The following N4BP3 variants were observed in gnomAD, a reference collection of about 807,000 sequenced individuals.
N4BP3 encodes NEDD4 binding protein 3.
Under a neutral mutation model 43.8 loss-of-function variants are expected in N4BP3, and 33 were observed. The observed-to-expected ratio is 0.75, with a 90% CI of 0.57 to 1.01. N4BP3 has a LOEUF of 1.01. Ranked by LOEUF, N4BP3 falls within the 50% of genes least tolerant of loss-of-function variation. N4BP3 has a pLI of 0.00. For synonymous variants in N4BP3, 326 were observed against 321.9 expected, an observed-to-expected ratio of 1.01 and a Z score of -0.14; for missense variants, 756 against 744.2, an observed-to-expected ratio of 1.02 and a Z score of -0.18.
rs980951325 is a variant in N4BP3, at chr5:178,123,344, A to C, written c.*1343A>C. 40 of 152,262 alleles carry C rather than the reference A, an allele frequency of 2.6e-4. No individual in the cohort carries two copies. The highest frequency in any genetic ancestry group is 9.2e-4 in the African/African-American group (38 of 41,430). The allele number at this position is 152,262 out of a possible 1,614,324, so 9.4% of individuals were successfully genotyped here. ...CCAGGTGCTGTGCTGGGCCCTTGTG[A>C]GTGTGGGGGCACAGGCTGAATTAGA... On this transcript the variant is annotated 3_prime_UTR_variant, in exon 5 of 5. Coordinates refer to ENST00000274605, the MANE Select transcript of N4BP3 (RefSeq NM_015111.2).
Position 178,121,247 on chromosome 5 carries a change from C to T in N4BP3, c.1002C>T (p.Arg334=). ...CTCAGCAGGAGCAGCGGCGCCTGCGCAAGGAGCTGCGGGCTCAGCAGGGCC... is the reference window on the plus strand; with the variant it reads ...CTCAGCAGGAGCAGCGGCGCCTGCGTAAGGAGCTGCGGGCTCAGCAGGGCC... ...FMAQQEQRRL[R]KELRAQQGLA... Residue 334 remains arginine (R), a synonymous_variant, in exon 4 of 5, where the codon CGC becomes CGT. Transcript: ENST00000274605. 6.2e-7 allele frequency: 1 copy of T among 1,605,572 alleles called. No individual in the cohort carries two copies. Among genetic ancestry groups the T allele is most frequent in the Non-Finnish European group, 8.5e-7 (1 of 1,176,914 alleles).
rs773728656 is a variant in N4BP3, at chr5:178,119,862, C to T, written c.279C>T (p.Arg93=). ...CCCTCTACTACCGGGAACATTCTCG[C>T]GCGGGTGACTTCAGCAAGACCTCGC... ...YATLYYREHS[R]AGDFSKTSLP... The change falls in exon 2 of 5, where the codon CGC becomes CGT. Residue 93 remains arginine, a synonymous_variant. Transcript: ENST00000274605. The T allele has an allele frequency of 1.1e-5, 18 of 1,612,398 alleles. No individual in the cohort carries two copies. In the Admixed American group the frequency reaches 1.3e-4, roughly 12 times the overall value.
In N4BP3 at chr5:178,121,126, T is replaced by C; in HGVS notation, c.881T>C (p.Leu294Pro). 3.8e-6 allele frequency: 6 copies of C among 1,598,964 alleles called. No homozygotes were observed. Among genetic ancestry groups the C allele is most frequent in the Non-Finnish European group, 5.1e-6 (6 of 1,179,192 alleles). The change falls in exon 4 of 5, where the codon CTG becomes CCG. Residue 294 changes from leucine (L) to proline (P), a missense_variant. By Grantham distance (98) the Leu-to-Pro change is moderately conservative (BLOSUM62 -3). Coordinates refer to ENST00000274605, the MANE Select transcript of N4BP3 (RefSeq NM_015111.2). Reference sequence around the variant, plus strand: ...CTGGAGGAGCGCCAGCGGCTGTGGCTGGCTGAGCTGAAGCGCCTGTATGTG... The same window carrying C: ...CTGGAGGAGCGCCAGCGGCTGTGGCCGGCTGAGCTGAAGCGCCTGTATGTG... ...QVLEERQRLW[L>P]AELKRLYVER...
At chr5:178,116,472 A>T (rs1046270360) in intron 1 of N4BP3, among the ~76,000 whole-genome samples, 8 of 152,198 alleles carry the variant, frequency 5.3e-5, no homozygotes, top group African/African-American at 1.9e-4. Flanking sequence ...CTGCTCCTTC[A>T]CTAGCCTGGG....
intron 1 of N4BP3, among the ~76,000 whole-genome samples, chr5:178,116,176 GCCTGCACAGCTGC>G (rs559294790): frequency 2.7e-4 from 39 of 143,726 alleles, no homozygotes; most frequent in East Asian, 2.0e-3. Flanking sequence ...AATCCCCTCC[GCCTGCACAGCTGC>G]CCTGCCCAGC....
Position 178,120,228 on chromosome 5 carries a change from C to T in N4BP3, c.381C>T (p.Gly127=), listed in dbSNP as rs552289565. ...AGCCTACGGCGGGCAACGGGAAAGG[C>T]TTCCTATCCATGCAAAGTCTGGCGT... is the stretch of plus-strand genomic sequence containing the variant. ...VFKPTAGNGK[G]FLSMQSLASH... Residue 127 remains glycine, a synonymous_variant, in exon 3 of 5, where the codon GGC becomes GGT. Transcript: ENST00000274605. 1.7e-5 allele frequency: 27 copies of T among 1,600,806 alleles called. No individual in the cohort carries two copies. In the Admixed American group the frequency reaches 3.8e-4, roughly 22 times the overall value.
chr5:178,121,129 C>CT lies in N4BP3; in HGVS notation c.885dup (p.Glu296Ter), dbSNP rs1368681737. 6.3e-7 allele frequency: 1 copy of CT among 1,598,410 alleles called. No homozygotes were observed. The highest frequency in any genetic ancestry group is 1.7e-5 in the Admixed American group (1 of 59,544). On this transcript the variant is annotated frameshift_variant, in exon 4 of 5. Coordinates refer to ENST00000274605, the MANE Select transcript of N4BP3 (RefSeq NM_015111.2). LOFTEE classifies it high-confidence loss of function. ...GAGGAGCGCCAGCGGCTGTGGCTGG[C>CT]TGAGCTGAAGCGCCTGTATGTGGAG... is the stretch of plus-strand genomic sequence containing the variant.
intron 1 of N4BP3, among the ~76,000 whole-genome samples, chr5:178,119,331 G>C (rs1290482011): frequency 2.6e-5 from 4 of 152,178 alleles, no homozygotes; most frequent in Admixed American, 6.5e-5. Flanking sequence ...CTTAGACTCA[G>C]TCCAGCAAGT....
rs780711236 is a variant in N4BP3, at chr5:178,124,790, C to T, written c.*2789C>T. 1 of 152,650 alleles carries T rather than the reference C, an allele frequency of 6.6e-6. No individual in the cohort carries two copies. 9.5% of individuals were successfully genotyped at this position (152,650 alleles called of 1,614,324 possible). A position where few individuals can be genotyped will look rare whatever the true frequency, so the allele number is the denominator to read the frequency against. The stretch of plus-strand genomic sequence containing the variant: ...CCCTTGTAGCCCTCTGAGCCCTCAT[C>T]CTGCAGGCAGAGCCCCTCAGTGCTC... On this transcript the variant is annotated 3_prime_UTR_variant, in exon 5 of 5. Transcript: ENST00000274605.
In N4BP3 at chr5:178,121,595, C is replaced by T. The variant is rs1757926101; in HGVS notation, c.1229C>T (p.Ala410Val). Residue 410 changes from alanine (A) to valine (V), a missense_variant, in exon 5 of 5, where the codon GCA becomes GTA. Coordinates refer to ENST00000274605, the MANE Select transcript of N4BP3 (RefSeq NM_015111.2). Reference protein sequence around the residue: ...SLKTQLRGSRAQAQAQDAELV... With the variant: ...SLKTQLRGSRVQAQAQDAELV... ...AAGACACAACTTCGGGGCAGCCGGG[C>T]ACAAGCCCAGGCTCAGGACGCAGAG... The T allele has an allele frequency of 1.2e-6, 2 of 1,613,350 alleles. No individual in the cohort carries two copies. The highest frequency in any genetic ancestry group is 2.7e-5 in the African/African-American group (2 of 75,060).
In N4BP3 at chr5:178,119,813, G is replaced by A. The variant is rs369141721; in HGVS notation, c.230G>A (p.Arg77Gln). ...KSTKNTKRAP[R>Q]NEPADYATLY... ...ACCAAGAACACCAAGCGGGCCCCTC[G>A]GAACGAGCCTGCCGACTATGCCACC... Residue 77 changes from arginine to glutamine, a missense_variant, in exon 2 of 5, where the codon CGG (arginine) becomes CAG (glutamine). Transcript: ENST00000274605. 1.8e-5 allele frequency: 29 copies of A among 1,613,236 alleles called. No homozygotes were observed. Among genetic ancestry groups the A allele is most frequent in the South Asian group, 7.7e-5 (7 of 91,090 alleles).
At position 178,119,819 on chromosome 5, in the gene N4BP3, A is replaced by T; in HGVS notation, c.236A>T (p.Glu79Val). ...AACACCAAGCGGGCCCCTCGGAACG[A>T]GCCTGCCGACTATGCCACCCTCTAC... ...TKNTKRAPRN[E>V]PADYATLYYR... The change falls in exon 2 of 5, where the codon GAG becomes GTG. Residue 79 changes from glutamate to valine, a missense_variant. Glu to Val is a moderately radical substitution (Grantham distance 121). Transcript: ENST00000274605. 1 of 1,613,282 alleles carries T rather than the reference A, an allele frequency of 6.2e-7. No homozygotes were observed. Among genetic ancestry groups the T allele is most frequent in the Non-Finnish European group, 8.5e-7 (1 of 1,180,010 alleles).
In N4BP3 at chr5:178,122,469, C is replaced by T. The variant is rs115568608; in HGVS notation, c.*468C>T. 1,327 of 166,142 alleles carry T rather than the reference C, an allele frequency of 8.0e-3. 25 individuals are homozygous for T. The highest frequency in any genetic ancestry group is 0.03 in the African/African-American group (1,267 of 41,732). 10.3% of individuals were successfully genotyped at this position (166,142 alleles called of 1,614,324 possible). Reference sequence around the variant, plus strand: ...GGATGGTCGGGATTGAGGCTGTTGACCTGGGCAGTAGCTCCTCCCATGGCC... The same window carrying T: ...GGATGGTCGGGATTGAGGCTGTTGATCTGGGCAGTAGCTCCTCCCATGGCC... On this transcript the variant is annotated 3_prime_UTR_variant, in exon 5 of 5. Coordinates refer to ENST00000274605, the MANE Select transcript of N4BP3 (RefSeq NM_015111.2).
rs1561618617 is a variant in N4BP3 at position 178,121,648 on chromosome 5, A to G, written c.1282A>G (p.Ser428Gly). ...GGTCCGGCTGCGCGAGGCTGTGCGC[A>G]GCCTGCAGGAGCAGGCCCCTCGGGA... is the stretch of plus-strand genomic sequence containing the variant. The part of the protein sequence containing the change: ...ELVRLREAVR[S>G]LQEQAPREEA... The change falls in exon 5 of 5, where the codon AGC becomes GGC. Residue 428 changes from serine to glycine, a missense_variant. Transcript: ENST00000274605. The G allele has an allele frequency of 6.2e-7, 1 of 1,612,468 alleles. No individual in the cohort carries two copies.
intron 1 of N4BP3, among the ~76,000 whole-genome samples, chr5:178,119,011 G>A (rs746730995): frequency 1.3e-5 from 2 of 152,064 alleles, no homozygotes; most frequent in South Asian, 2.1e-4. Context: ...GACTACAGGC[G>A]CCCACCACCA....
chr5:178,119,588 C>T lies in N4BP3; in HGVS notation c.5C>T (p.Ala2Val), dbSNP rs1283585891. M[A>V]TAPGPAGIAM... ...CCTGTACCCTGTTGAAACTTCATGG[C>T]CACAGCCCCAGGCCCTGCTGGCATT... Residue 2 changes from alanine to valine, a missense_variant, in exon 2 of 5, where the codon GCC (alanine) becomes GTC (valine). Physicochemically the swap from Ala to Val is moderately conservative, Grantham distance 64. Transcript: ENST00000274605. The T allele has an allele frequency of 3.3e-6, 5 of 1,530,328 alleles. No individual in the cohort carries two copies. The South Asian group carries it at 6.5e-5, about 20-fold the overall frequency. The allele number at this position is 1,530,328 out of a possible 1,614,324, so 94.8% of individuals were successfully genotyped here.
In N4BP3 at chr5:178,114,638, C is replaced by T. The variant is rs1287557287; in HGVS notation, c.-31+867C>T. 4.6e-5 allele frequency among the ~76,000 whole-genome samples: 7 copies of T among 152,346 alleles called. No individual in the cohort carries two copies. The East Asian group carries it at 9.7e-4, about 21-fold the overall frequency. ...AGCGGACGCAGGAGGCCATCCTGGG[C>T]GCGGTTATCAGCCTCCTCCCAGGGC... On this transcript the variant is annotated intron_variant, in intron 1 of 4. Transcript: ENST00000274605.
rs565524283 is a variant in N4BP3 at position 178,118,410 on chromosome 5, G to C, written c.-30-1144G>C. Among the ~76,000 whole-genome samples the C allele has an allele frequency of 6.6e-6, 1 of 152,342 alleles. No individual in the cohort carries two copies. The highest frequency in any genetic ancestry group is 1.9e-4 in the East Asian group (1 of 5,182). On this transcript the variant is annotated intron_variant, in intron 1 of 4. Transcript: ENST00000274605. The surrounding 1 kb of genome is among the most constrained non-coding windows in gnomAD (Gnocchi z 5.4). ...CCAGGGTGTGTGTGCGGAAGTCCAG[G>C]CTCACTGAGGTTAGTGGCTTGGCCG... is the stretch of plus-strand genomic sequence containing the variant.
In N4BP3 at chr5:178,121,627, C is replaced by G. The variant is rs755032729; in HGVS notation, c.1261C>G (p.Arg421Gly). 5.0e-6 allele frequency: 8 copies of G among 1,612,766 alleles called. No homozygotes were observed. The highest frequency in any genetic ancestry group is 6.8e-6 in the Non-Finnish European group (8 of 1,179,908). ...QAQAQDAELV[R>G]LREAVRSLQE... The stretch of plus-strand genomic sequence containing the variant: ...CCAGGCTCAGGACGCAGAGCTGGTC[C>G]GGCTGCGCGAGGCTGTGCGCAGCCT... Residue 421 changes from arginine (R) to glycine (G), a missense_variant, in exon 5 of 5, where the codon CGG becomes GGG. Arg to Gly is a moderately radical substitution (Grantham distance 125, BLOSUM62 -2). Coordinates refer to ENST00000274605, the MANE Select transcript of N4BP3 (RefSeq NM_015111.2).
Sources: gnomAD v4.1 joint callset for allele counts (sites outside exome capture counted in the v4.1 genomes callset) on GRCh38, gnomAD v4.1.1 for gene constraint, Gnocchi (gnomAD v3.1) non-coding constraint, MANE v1.5 for transcripts, NCBI Gene and HGNC (gene_info 2026-07-23, HGNC 2026-07-21) for gene names.